The following C13orf42 variants were observed in gnomAD, a reference collection of about 807,000 sequenced individuals.
C13orf42 encodes chromosome 13 open reading frame 42.
intron 1 of C13orf42, among the ~76,000 whole-genome samples, chr13:51,101,546 T>A (rs984953363): frequency 6.6e-6 from 1 of 152,240 alleles, no homozygotes; most frequent in Non-Finnish European, 1.5e-5. Context: ...ACCACACACC[T>A]ATGACTTTTC....
intron 1 of C13orf42, among the ~76,000 whole-genome samples, chr13:51,090,663 T>G (rs899154792): frequency 2.6e-5 from 4 of 152,184 alleles, no homozygotes; most frequent in African/African-American, 4.8e-5. Flanking sequence ...CAGTCCTAAG[T>G]GTCTCTGGAG....
At chr13:51,140,900 A>G (rs1953690362) in intron 1 of C13orf42, among the ~76,000 whole-genome samples, 1 of 152,180 alleles carries the variant, frequency 6.6e-6, no homozygotes, top group African/African-American at 2.4e-5. Context: ...TCAAGTTAGC[A>G]TTAACAACCA....
intron 1 of C13orf42, among the ~76,000 whole-genome samples, chr13:51,141,486 G>T (rs568940184): frequency 1.4e-3 from 217 of 152,152 alleles, no homozygotes; most frequent in African/African-American, 4.9e-3. Flanking sequence ...ATATAAAAGA[G>T]CTCTAATTAA....
intron 2 of C13orf42, 50 bp from the exon 3 acceptor site, chr13:51,085,609 G>A (rs1206495619): frequency 2.5e-6 from 1 of 398,374 alleles, no homozygotes; most frequent in Non-Finnish European, 4.4e-6. Flanking sequence ...GCCATTGGGA[G>A]GCGCATAAGG....
intron 1 of C13orf42, among the ~76,000 whole-genome samples, chr13:51,104,521 G>A (rs1953328729): frequency 6.6e-6 from 1 of 152,170 alleles, no homozygotes; most frequent in African/African-American, 2.4e-5. Flanking sequence ...TTTGTTAACT[G>A]TAATAGACTT....
intron 1 of C13orf42, among the ~76,000 whole-genome samples, chr13:51,160,799 T>C (rs1468998901): frequency 6.6e-6 from 1 of 152,048 alleles, no homozygotes; most frequent in Non-Finnish European, 1.5e-5. Context: ...TCTATTAAAA[T>C]CCTACAGCAA....
chr13:51,125,667 C>T (rs1385441939), intron 1 of C13orf42, among the ~76,000 whole-genome samples: 1 of 152,032 alleles, frequency 6.6e-6, no homozygotes, highest in Non-Finnish European at 1.5e-5. Flanking sequence ...CTCCACCCCC[C>T]AGTGTCTACG....
chr13:51,138,410 AAG>A (rs1294436848), intron 1 of C13orf42, among the ~76,000 whole-genome samples: 1 of 152,232 alleles, frequency 6.6e-6, no homozygotes, highest in African/African-American at 2.4e-5. Flanking sequence ...AAAATGGGCA[AAG>A]AACCTGGATA....
chr13:51,128,540 C>A (rs1268483230), intron 1 of C13orf42, among the ~76,000 whole-genome samples: 2 of 152,076 alleles, frequency 1.3e-5, no homozygotes, highest in East Asian at 3.9e-4. Flanking sequence ...GGCTAAAGGC[C>A]CCACTCAATA....
intron 1 of C13orf42, among the ~76,000 whole-genome samples, chr13:51,107,950 A>C (rs1309536271): frequency 2.0e-5 from 3 of 152,198 alleles, no homozygotes; most frequent in African/African-American, 7.2e-5. Flanking sequence ...AAGCACCACA[A>C]ACTGGGTAGC....
At chr13:51,169,229 TTG>T (rs1953926347) in intron 1 of C13orf42, among the ~76,000 whole-genome samples, 1 of 152,196 alleles carries the variant, frequency 6.6e-6, no homozygotes, top group Non-Finnish European at 1.5e-5. Context: ...ACTTGTTAAA[TTG>T]TTGTGCCCAA....
chr13:51,145,956 T>C (rs1408660773), intron 1 of C13orf42, among the ~76,000 whole-genome samples: 1 of 152,220 alleles, frequency 6.6e-6, no homozygotes, highest in African/African-American at 2.4e-5. Context: ...GTTCTCAACC[T>C]TGGCAAAATA....
intron 1 of C13orf42, among the ~76,000 whole-genome samples, chr13:51,116,847 G>T (rs529003555): frequency 6.6e-6 from 1 of 152,340 alleles, no homozygotes; most frequent in African/African-American, 2.4e-5. Context: ...GCACAAATGG[G>T]GAGCCTCTCC....
intron 1 of C13orf42, among the ~76,000 whole-genome samples, chr13:51,090,607 A>C (rs144476554): frequency 2.0e-4 from 31 of 152,282 alleles, no homozygotes; most frequent in Middle Eastern, 3.4e-3. Flanking sequence ...TGTGTTCATC[A>C]TATTATTTTT....
chr13:51,137,577 C>T (rs1434781728), intron 1 of C13orf42, among the ~76,000 whole-genome samples: 2 of 152,296 alleles, frequency 1.3e-5, no homozygotes, highest in East Asian at 3.9e-4. Context: ...TCTCTGGAGC[C>T]CCAGGACAGA....
chr13:51,094,549 T>C (rs1453969705), intron 1 of C13orf42, among the ~76,000 whole-genome samples: 1 of 152,232 alleles, frequency 6.6e-6, no homozygotes, highest in Non-Finnish European at 1.5e-5. Context: ...AACCCACAAA[T>C]TGTATTTTTA....
chr13:51,113,971 G>A (rs183668209), upstream of C13orf42, among the ~76,000 whole-genome samples: 3 of 152,246 alleles, frequency 2.0e-5, no homozygotes, highest in Non-Finnish European at 4.4e-5. Context: ...CTTGGCCAGA[G>A]AATCTGCATA....
chr13:51,171,153 C>A (rs750480708), intron 1 of C13orf42, among the ~76,000 whole-genome samples: 5 of 152,066 alleles, frequency 3.3e-5, no homozygotes, highest in Non-Finnish European at 7.4e-5. Context: ...TCCTCCTTCT[C>A]CTCCCTTAGC....
upstream of C13orf42, among the ~76,000 whole-genome samples, chr13:51,114,057 TGAGCAGTCCA>T (rs1461849258): frequency 6.6e-6 from 1 of 152,252 alleles, no homozygotes. Context: ...GAGTGATGGC[TGAGCAGTCCA>T]GAGGATTTGC....
Sources: allele counts gnomAD v4.1 joint callset (sites outside exome capture counted in the v4.1 genomes callset), GRCh38; gene constraint gnomAD v4.1.1; transcripts MANE v1.5; gene names NCBI Gene and HGNC (gene_info 2026-07-23, HGNC 2026-07-21).